ATOSA: variants seen among roughly 807,000 people sequenced by gnomAD.
ATOSA encodes the protein atos homolog A.
the ATOSA span, among the ~76,000 whole-genome samples, chr15:52,588,746 C>T: frequency 7.2e-5 from 11 of 152,182 alleles, no homozygotes; most frequent in African/African-American, 2.2e-4. Context: ...GCCATCGTGC[C>T]CAGGCTGTGA....
At chr15:52,652,787 T>G in the ATOSA span, among the ~76,000 whole-genome samples, 4 of 152,198 alleles carry the variant, frequency 2.6e-5, no homozygotes, top group Non-Finnish European at 5.9e-5. Context: ...TCATTTACTT[T>G]TTGCTATCAT....
chr15:52,621,208 T>C, the ATOSA span, among the ~76,000 whole-genome samples: 1 of 152,192 alleles, frequency 6.6e-6, no homozygotes, highest in African/African-American at 2.4e-5. Flanking sequence ...CAAGGAAACA[T>C]ATCTACAATA....
the ATOSA span, among the ~76,000 whole-genome samples, chr15:52,622,549 T>C: frequency 1.3e-5 from 2 of 152,096 alleles, no homozygotes; most frequent in Non-Finnish European, 2.9e-5. Context: ...CAAAAACAAA[T>C]TAATAAACTA....
At chr15:52,660,661 T>C in the ATOSA span, among the ~76,000 whole-genome samples, 1 of 152,216 alleles carries the variant, frequency 6.6e-6, no homozygotes, top group African/African-American at 2.4e-5. Context: ...TATTTTCTTT[T>C]CTTTTTTGAG....
chr15:52,606,895 G>C, the ATOSA span, among the ~76,000 whole-genome samples: 355 of 152,238 alleles, frequency 2.3e-3, 2 homozygotes, highest in African/African-American at 8.1e-3. Context: ...TACTTCAGAA[G>C]AAATTTTCCA....
At chr15:52,631,468 T>C in the ATOSA span, among the ~76,000 whole-genome samples, 2 of 152,230 alleles carry the variant, frequency 1.3e-5, no homozygotes, top group African/African-American at 2.4e-5. Context: ...AATTATGGTA[T>C]AAAGGGAAAA....
chr15:52,706,402 G>C, the ATOSA span, among the ~76,000 whole-genome samples: 1 of 152,198 alleles, frequency 6.6e-6, no homozygotes, highest in African/African-American at 2.4e-5. Flanking sequence ...GCTTTCCATA[G>C]TGGCATGGCT....
the ATOSA span, among the ~76,000 whole-genome samples, chr15:52,697,095 A>G: frequency 1.3e-5 from 2 of 152,164 alleles, no homozygotes; most frequent in African/African-American, 4.8e-5. Flanking sequence ...CACTTGGCTA[A>G]CTTTTTCTGC....
the ATOSA span, among the ~76,000 whole-genome samples, chr15:52,663,458 G>A: frequency 2.0e-5 from 3 of 152,174 alleles, no homozygotes; most frequent in East Asian, 5.8e-4. Flanking sequence ...TCATACCACA[G>A]AATAGTTCAT....
At chr15:52,666,263 TC>T in the ATOSA span, among the ~76,000 whole-genome samples, 3 of 152,178 alleles carry the variant, frequency 2.0e-5, no homozygotes, top group African/African-American at 7.2e-5. Flanking sequence ...CCATGATTCC[TC>T]AAACTACAAA....
At chr15:52,674,437 G>A in the ATOSA span, among the ~76,000 whole-genome samples, 1 of 152,104 alleles carries the variant, frequency 6.6e-6, no homozygotes, top group African/African-American at 2.4e-5. Flanking sequence ...GTACATCCTT[G>A]AGTCAAAGGT....
chr15:52,668,844 A>G, the ATOSA span, among the ~76,000 whole-genome samples: 1 of 151,602 alleles, frequency 6.6e-6, no homozygotes, highest in Non-Finnish European at 1.5e-5. Context: ...AATGGTCACA[A>G]TTAATCTATG....
chr15:52,652,008 A>G, the ATOSA span: 2 of 1,524,128 alleles, frequency 1.3e-6, no homozygotes, highest in African/African-American at 2.8e-5. Flanking sequence ...ACAAATGTTC[A>G]GCGTTGGGTG....
At chr15:52,688,105 G>T in the ATOSA span, among the ~76,000 whole-genome samples, 1 of 152,218 alleles carries the variant, frequency 6.6e-6, no homozygotes, top group Non-Finnish European at 1.5e-5. Flanking sequence ...AGATTCATAA[G>T]ATTAAGTTAT....
chr15:52,652,024 C>T, the ATOSA span: 2 of 1,508,182 alleles, frequency 1.3e-6, no homozygotes, highest in Non-Finnish European at 1.8e-6. Flanking sequence ...GGGTGCTGAT[C>T]CCGCTTCCCT....
chr15:52,596,764 C>A, the ATOSA span, among the ~76,000 whole-genome samples: 1 of 152,150 alleles, frequency 6.6e-6, no homozygotes, highest in Non-Finnish European at 1.5e-5. Context: ...GTAAAGAAGC[C>A]TTGGGCTAGG....
At chr15:52,641,766 A>G in the ATOSA span, among the ~76,000 whole-genome samples, 1 of 152,244 alleles carries the variant, frequency 6.6e-6, no homozygotes, top group Non-Finnish European at 1.5e-5. Flanking sequence ...AACAGAAACA[A>G]CACATTTTCT....
At chr15:52,685,982 C>T in the ATOSA span, among the ~76,000 whole-genome samples, 1 of 152,198 alleles carries the variant, frequency 6.6e-6, no homozygotes, top group Non-Finnish European at 1.5e-5. Flanking sequence ...CTTCCCACCT[C>T]AGCCTCCCCC....
chr15:52,658,068 T>C, the ATOSA span: 1 of 152,240 alleles, frequency 6.6e-6, no homozygotes, highest in Non-Finnish European at 1.5e-5. Flanking sequence ...TGTCTCCAAA[T>C]AGATATTGGT....
Sources: allele counts gnomAD v4.1 joint callset (sites outside exome capture counted in the v4.1 genomes callset), GRCh38; gene constraint gnomAD v4.1.1; transcripts MANE v1.5; gene names NCBI Gene and HGNC (gene_info 2026-07-23, HGNC 2026-07-21).